GALNS: variants seen among roughly 807,000 people sequenced by gnomAD.
GALNS encodes the protein galactosamine (N-acetyl)-6-sulfatase.
In GALNS, 65 loss-of-function variants were observed where a neutral mutation model predicts 65.9. That is an observed-to-expected ratio of 0.99 (90% confidence interval 0.81 to 1.21). The LOEUF is 1.21. Among genes scored for constraint, GALNS ranks in the 50% most tolerant of loss-of-function variants. GALNS has a pLI of 0.00. For synonymous variants in GALNS, 346 were observed against 288.9 expected (o/e 1.20, Z -2.00); for missense variants, 776 against 700.7 (o/e 1.11, Z -1.21).
At chr16:88,830,492 C>G (rs1911388950) in intron 9 of GALNS, among the ~76,000 whole-genome samples, 1 of 152,336 alleles carries the variant, frequency 6.6e-6, no homozygotes, top group Middle Eastern at 3.4e-3. Context: ...GGAGCCCCCC[C>G]CATCCTCGTG....
At chr16:88,815,949 C>T in intron 13 of GALNS, 1 of 985,458 alleles carries the variant, frequency 1.0e-6, no homozygotes, top group Non-Finnish European at 1.2e-6. Context: ...GCCAGAGACG[C>T]CACTGAGCCC....
At chr16:88,836,369 G>A (rs1567532016) in intron 5 of GALNS, 102 bp from the exon 6 acceptor site, 2 of 983,464 alleles carry the variant, frequency 2.0e-6, no homozygotes, top group Non-Finnish European at 1.6e-6. Flanking sequence ...TTAAAAGAAG[G>A]CTAGGGCTGG....
chr16:88,849,126 T>C (rs553616456), intron 1 of GALNS, among the ~76,000 whole-genome samples: 1 of 152,214 alleles, frequency 6.6e-6, no homozygotes, highest in East Asian at 1.9e-4. Flanking sequence ...AGATGGTTTA[T>C]TTTTTTGAGA....
At chr16:88,839,478 C>T (rs939744106) in intron 4 of GALNS, among the ~76,000 whole-genome samples, 14 of 152,356 alleles carry the variant, frequency 9.2e-5, no homozygotes, top group Admixed American at 2.6e-4. Context: ...AGGGAGTGTC[C>T]GCGGCCCTCT....
In GALNS at chr16:88,830,015, G is replaced by A. The variant is rs187080030; in HGVS notation, c.1002+1983C>T. 2.3e-3 allele frequency among the ~76,000 whole-genome samples: 343 copies of A among 152,184 alleles called. 2 individuals are homozygous for A. Among genetic ancestry groups the A allele is most frequent in the South Asian group, 0.016 (75 of 4,818 alleles). ...TCGGAGGCCGAGGCGGGCAGATCAC[G>A]AGGTCAGGAGATTGAGACCATACTG... On this transcript the variant is annotated intron_variant, in intron 9 of 13. Transcript: ENST00000268695.
chr16:88,855,880 C>T (rs530737532), intron 1 of GALNS: 1 of 512,392 alleles, frequency 2.0e-6, no homozygotes, highest in South Asian at 2.2e-5. Flanking sequence ...ACACCGACGG[C>T]CCAAAACTGT....
chr16:88,837,636 C>G lies in GALNS; in HGVS notation c.552G>C (p.Trp184Cys). ...ARPNIPVYRD[W>C]EMVGRYYEEF... ...GGCTCCATTACCTGCCAACCATCTC[C>G]CAGTCCCTGTACACAGGGATGTTGG... The change falls in exon 5 of 14, where the codon TGG becomes TGC. Residue 184 changes from tryptophan to cysteine, a missense_variant. By Grantham distance (215) the Trp-to-Cys change is radical. Transcript: ENST00000268695. The G allele has an allele frequency of 6.2e-7, 1 of 1,613,530 alleles. No individual in the cohort carries two copies. The highest frequency in any genetic ancestry group is 8.5e-7 in the Non-Finnish European group (1 of 1,179,986).
chr16:88,823,374 C>T (rs1424421747), intron 11 of GALNS, among the ~76,000 whole-genome samples: 3 of 152,270 alleles, frequency 2.0e-5, no homozygotes, highest in African/African-American at 4.8e-5. Context: ...TTTCTGCTGC[C>T]CCTGGGCCTC....
At chr16:88,825,469 A>G (rs1158014246) in intron 10 of GALNS, among the ~76,000 whole-genome samples, 73 of 55,588 alleles carry the variant, frequency 1.3e-3, no homozygotes, top group Non-Finnish European at 1.6e-3. Context: ...GGGCTGGGGT[A>G]CCTGGGTGTC....
Position 88,814,567 on chromosome 16 carries a change from A to G in GALNS, c.1483-42T>C, listed in dbSNP as rs890439050. Reference sequence around the variant, plus strand: ...GAGAAAAAGAACATGCAGTTATTCAAGCTCTTCTGGACCCAGCAGCAGCGG... The same window carrying G: ...GAGAAAAAGAACATGCAGTTATTCAGGCTCTTCTGGACCCAGCAGCAGCGG... On this transcript the variant is annotated intron_variant, in intron 13 of 13. Transcript: ENST00000268695. 2.5e-5 allele frequency: 39 copies of G among 1,549,342 alleles called. No individual in the cohort carries two copies. In the Middle Eastern group the frequency reaches 5.6e-4, roughly 22 times the overall value.
chr16:88,816,746 C>T, intron 13 of GALNS: 3 of 985,466 alleles, frequency 3.0e-6, no homozygotes, highest in Non-Finnish European at 3.6e-6. Flanking sequence ...GGCGGGCACC[C>T]AGCGGCTCCC....
chr16:88,823,206 A>G (rs1213082583), intron 11 of GALNS, among the ~76,000 whole-genome samples: 1 of 152,208 alleles, frequency 6.6e-6, no homozygotes, highest in African/African-American at 2.4e-5. Flanking sequence ...AGGGAGAGCC[A>G]CAACGCTCAG....
intron 8 of GALNS, 58 bp from the exon 9 acceptor site, chr16:88,832,159 C>G: frequency 7.6e-6 from 11 of 1,440,416 alleles, no homozygotes; most frequent in South Asian, 4.7e-5. Flanking sequence ...GGCCCTCCCC[C>G]TCCCTCCCCA....
At chr16:88,833,965 C>T (rs1224339787) in intron 8 of GALNS, among the ~76,000 whole-genome samples, 2 of 152,222 alleles carry the variant, frequency 1.3e-5, no homozygotes, top group Non-Finnish European at 2.9e-5. Flanking sequence ...GTGCTGGCGT[C>T]GAGGTGGGCC....
chr16:88,815,417 T>C, intron 13 of GALNS: 1 of 985,488 alleles, frequency 1.0e-6, no homozygotes, highest in Non-Finnish European at 1.2e-6. Context: ...ACTGCGCTGC[T>C]GGGCTCAGTT....
In GALNS at chr16:88,822,593, G is replaced by C; in HGVS notation, c.1360C>G (p.Leu454Val). The change falls in exon 12 of 14, where the codon CTC becomes GTC. Residue 454 changes from leucine (L) to valine (V), a missense_variant. Transcript: ENST00000268695. ...LGRDPGERFP[L>V]SFASAEYQEA... ...GGAGGCCCTGCACCGACTCACCTGA[G>C]GGGGAACCTCTCCCCTGGGTCCCGT... is the stretch of plus-strand genomic sequence containing the variant. 6.2e-7 allele frequency: 1 copy of C among 1,612,724 alleles called. No homozygotes were observed.
intron 1 of GALNS, among the ~76,000 whole-genome samples, chr16:88,851,329 CACAG>C (rs1285423939): frequency 6.6e-6 from 1 of 152,136 alleles, no homozygotes; most frequent in East Asian, 1.9e-4. Context: ...ACCTGGGTCT[CACAG>C]ACAGACACTG....
chr16:88,830,899 C>T (rs1046743931), intron 9 of GALNS, among the ~76,000 whole-genome samples: 5 of 152,210 alleles, frequency 3.3e-5, no homozygotes, highest in African/African-American at 1.2e-4. Flanking sequence ...ACGACCGATT[C>T]TGTAGTAGAC....
rs1356140687 is a variant in GALNS, at chr16:88,856,818, C to A, written c.60G>T (p.Ala20=). Residue 20 remains alanine, a synonymous_variant, in exon 1 of 14, where the codon GCG becomes GCT. Transcript: ENST00000268695. ...GCGGGGCGCCCGAGGCCCCCATCCC[C>A]GCGGCGCTGAGCACCAGCAACAGCT... ...WWQLLLVLSA[A]GMGASGAPQP... is the part of the protein sequence containing the mutation. The A allele has an allele frequency of 1.3e-6, 2 of 1,533,380 alleles. No individual in the cohort carries two copies. Among genetic ancestry groups the A allele is most frequent in the East Asian group, 5.1e-5 (2 of 39,096 alleles). The allele number at this position is 1,533,380 out of a possible 1,614,324, so 95.0% of individuals were successfully genotyped here.
Sources: gnomAD v4.1 joint callset for allele counts (sites outside exome capture counted in the v4.1 genomes callset) on GRCh38, gnomAD v4.1.1 for gene constraint, MANE v1.5 for transcripts, NCBI Gene and HGNC (gene_info 2026-07-23, HGNC 2026-07-21) for gene names.